OPN5: variants seen among roughly 807,000 people sequenced by gnomAD.
The protein encoded by OPN5 is opsin-5.
A neutral mutation model predicts 41.7 loss-of-function variants in OPN5; 18 were observed. The ratio of observed to expected loss-of-function variants is 0.43; its 90% CI spans 0.30 to 0.64. The LOEUF (loss-of-function observed/expected upper bound fraction) is 0.64, where lower values mean the gene tolerates loss of function less well. Among genes scored for constraint, OPN5 ranks in the 30% least tolerant of loss-of-function variants. The pLI, the probability that OPN5 is intolerant of heterozygous loss-of-function variation, is 0.13. For synonymous variants in OPN5, 178 were observed against 164.3 expected, an observed-to-expected ratio of 1.08 and a Z score of -0.64; for missense variants, 318 against 434.5, an observed-to-expected ratio of 0.73 and a Z score of 2.38.
chr6:47,797,548 A>T (rs545204937), intron 4 of OPN5, among the ~76,000 whole-genome samples: 1 of 152,370 alleles, frequency 6.6e-6, no homozygotes, highest in East Asian at 1.9e-4. Flanking sequence ...GAAACTGGGC[A>T]AATGTACCAA....
chr6:47,815,009 C>A (rs1361571146), intron 6 of OPN5, among the ~76,000 whole-genome samples: 2 of 152,086 alleles, frequency 1.3e-5, no homozygotes, highest in Non-Finnish European at 2.9e-5. Context: ...TTCATTTAAA[C>A]ATGGCCTATC....
chr6:47,783,321 G>A (rs1010159789), intron 1 of OPN5, among the ~76,000 whole-genome samples: 1 of 152,076 alleles, frequency 6.6e-6, no homozygotes, highest in Non-Finnish European at 1.5e-5. Context: ...AATTTTTTCA[G>A]ATGTTGGGTC....
At chr6:47,797,155 G>C (rs983880842) in intron 4 of OPN5, among the ~76,000 whole-genome samples, 1 of 152,124 alleles carries the variant, frequency 6.6e-6, no homozygotes, top group African/African-American at 2.4e-5. Flanking sequence ...ATCTGGGTGG[G>C]GGGACAGCCA....
intron 6 of OPN5, among the ~76,000 whole-genome samples, chr6:47,820,675 T>G (rs1762595438): frequency 1.3e-5 from 2 of 152,178 alleles, no homozygotes; most frequent in South Asian, 4.1e-4. Flanking sequence ...TAGACGTTAT[T>G]TATTGAGTGT....
In OPN5 at chr6:47,795,715, T is replaced by G. The variant is rs892957829; in HGVS notation, c.756+152T>G. The stretch of plus-strand genomic sequence containing the variant: ...GTTGATGATTGTCTAAGCCTTTCTT[T>G]GTGGTATCTCTCTCCTCTTTCTGTC... On this transcript the variant is annotated intron_variant, in intron 4 of 6. Transcript: ENST00000371211. The G allele has an allele frequency of 1.5e-5, 9 of 614,670 alleles. No individual in the cohort carries two copies. The Admixed American group carries it at 2.6e-4, about 18-fold the overall frequency. The allele number at this position is 614,670 out of a possible 1,614,324, so 38.1% of individuals were successfully genotyped here. A position where few individuals can be genotyped will look rare whatever the true frequency, so the allele number is the denominator to read the frequency against.
At chr6:47,788,946 G>A (rs1260604835) in intron 2 of OPN5, among the ~76,000 whole-genome samples, 2 of 151,930 alleles carry the variant, frequency 1.3e-5, no homozygotes, top group Non-Finnish European at 2.9e-5. Flanking sequence ...TCCGTCCAGC[G>A]ATTCTAAAGT....
chr6:47,804,345 G>A (rs1773882275), intron 4 of OPN5, among the ~76,000 whole-genome samples: 1 of 152,132 alleles, frequency 6.6e-6, no homozygotes, highest in East Asian at 1.9e-4. Context: ...AAAAGTTGAT[G>A]GGTACAGGAG....
intron 2 of OPN5, among the ~76,000 whole-genome samples, chr6:47,790,117 A>T (rs9296583): frequency 2.6e-5 from 4 of 151,926 alleles, no homozygotes; most frequent in Admixed American, 2.0e-4. Flanking sequence ...ATAAGACATA[A>T]CTTAACAGAA....
chr6:47,816,271 A>C (rs2114003451), intron 6 of OPN5, among the ~76,000 whole-genome samples: 1 of 152,264 alleles, frequency 6.6e-6, no homozygotes, highest in South Asian at 2.1e-4. Flanking sequence ...CTTTCTGTAT[A>C]TTGTAAATAC....
At chr6:47,800,937 C>A (rs1156613064) in intron 4 of OPN5, among the ~76,000 whole-genome samples, 1 of 152,196 alleles carries the variant, frequency 6.6e-6, no homozygotes, top group East Asian at 1.9e-4. Context: ...TAACACACAT[C>A]AGTCATTTAC....
chr6:47,820,019 C>G (rs530253832), intron 6 of OPN5, among the ~76,000 whole-genome samples: 1 of 152,266 alleles, frequency 6.6e-6, no homozygotes, highest in African/African-American at 2.4e-5. Context: ...CACTGCTCAG[C>G]CTCAATACAC....
At chr6:47,800,179 T>C (rs1490633373) in intron 4 of OPN5, among the ~76,000 whole-genome samples, 1 of 152,218 alleles carries the variant, frequency 6.6e-6, no homozygotes, top group Non-Finnish European at 1.5e-5. Context: ...AGAAAGACCA[T>C]GGCATTACAA....
At chr6:47,819,756 T>C (rs1252816362) in intron 6 of OPN5, among the ~76,000 whole-genome samples, 1 of 152,134 alleles carries the variant, frequency 6.6e-6, no homozygotes, top group African/African-American at 2.4e-5. Context: ...GAGGAAATCT[T>C]CTGAGGTAGT....
intron 1 of OPN5, among the ~76,000 whole-genome samples, chr6:47,785,951 T>C (rs1228711209): frequency 6.6e-6 from 1 of 152,194 alleles, no homozygotes; most frequent in Non-Finnish European, 1.5e-5. Flanking sequence ...TCAGTGTCCA[T>C]GTCTCCCAAA....
chr6:47,811,778 T>C lies in OPN5; in HGVS notation c.1056+47T>C, dbSNP rs775177793. On this transcript the variant is annotated intron_variant, in intron 6 of 6. Coordinates refer to ENST00000371211, the Ensembl canonical transcript of OPN5. ...CACTATGGACACTCGTATTCACTTA[T>C]TTGCCTCTTCACTGCTGTAAACATT... The C allele has an allele frequency of 2.8e-5, 36 of 1,267,996 alleles. No individual in the cohort carries two copies. In the Admixed American group the frequency reaches 5.1e-4, roughly 18 times the overall value. The allele number at this position is 1,267,996 out of a possible 1,614,324, so 78.5% of individuals were successfully genotyped here. A position where few individuals can be genotyped will look rare whatever the true frequency, so the allele number is the denominator to read the frequency against.
intron 6 of OPN5, among the ~76,000 whole-genome samples, chr6:47,814,514 G>C (rs146018361): frequency 3.3e-5 from 5 of 152,126 alleles, no homozygotes; most frequent in African/African-American, 1.2e-4. Flanking sequence ...TATGATTTAA[G>C]TCCTCCATGC....
At chr6:47,822,422 A>G (rs1404253275) in intron 6 of OPN5, among the ~76,000 whole-genome samples, 1 of 152,172 alleles carries the variant, frequency 6.6e-6, no homozygotes, top group Non-Finnish European at 1.5e-5. Flanking sequence ...GAGATAGAGA[A>G]TATTTTCCTT....
intron 1 of OPN5, among the ~76,000 whole-genome samples, chr6:47,782,609 G>C (rs1773115141): frequency 6.6e-6 from 1 of 152,146 alleles, no homozygotes. Context: ...TCAGTCTCCT[G>C]TTCTCACAAC....
chr6:47,793,793 A>T (rs1021142136), intron 3 of OPN5: 13 of 974,972 alleles, frequency 1.3e-5, no homozygotes, highest in African/African-American at 3.5e-5. Flanking sequence ...ACACCTCACA[A>T]GTAACCCTAA....
Sources: gnomAD v4.1 joint callset for allele counts (sites outside exome capture counted in the v4.1 genomes callset) on GRCh38, gnomAD v4.1.1 for gene constraint, MANE v1.5 for transcripts, NCBI Gene and HGNC (gene_info 2026-07-23, HGNC 2026-07-21) for gene names.